FBXL13: variants seen among roughly 807,000 people sequenced by gnomAD.
FBXL13 encodes F-box and leucine rich repeat protein 13.
In FBXL13, 67 loss-of-function variants were observed where a neutral mutation model predicts 83.6. That is an observed-to-expected ratio of 0.80 (90% CI 0.66 to 0.98). FBXL13 has a LOEUF of 0.98. Among genes scored for constraint, FBXL13 ranks in the 50% least tolerant of loss-of-function variants. The pLI is 0.00. For missense variants in FBXL13, 822 were observed against 866.5 expected (o/e 0.95, Z 0.64); for synonymous variants, 272 against 299.5 (o/e 0.91, Z 0.95).
intron 16 of FBXL13, among the ~76,000 whole-genome samples, chr7:102,868,681 T>C (rs928635794): frequency 6.6e-6 from 1 of 152,208 alleles, no homozygotes; most frequent in Non-Finnish European, 1.5e-5. Context: ...TGTTTTGTTT[T>C]GTTTTTGAGA....
chr7:102,848,987 C>T (rs367852473), intron 17 of FBXL13, among the ~76,000 whole-genome samples: 8 of 151,808 alleles, frequency 5.3e-5, no homozygotes, highest in African/African-American at 1.7e-4. Flanking sequence ...GCAACAAGAG[C>T]GAAACTCCAT....
chr7:103,021,886 T>C (rs1195964106), intron 6 of FBXL13, among the ~76,000 whole-genome samples: 9 of 152,234 alleles, frequency 5.9e-5, no homozygotes. Flanking sequence ...TTGGTGGGAC[T>C]GTAAACTAGT....
chr7:103,019,977 G>A (rs982675490), intron 6 of FBXL13, among the ~76,000 whole-genome samples: 1 of 152,178 alleles, frequency 6.6e-6, no homozygotes, highest in African/African-American at 2.4e-5. Flanking sequence ...CATTTTATGA[G>A]GCCAGCATCA....
At chr7:102,934,589 G>A (rs746338531) in intron 8 of FBXL13, 1 of 1,614,086 alleles carries the variant, frequency 6.2e-7, no homozygotes, top group Non-Finnish European at 8.5e-7. Context: ...GAAACCCCAA[G>A]TGTCAGGGAG....
rs79418174 is a variant in FBXL13, at chr7:102,895,766, C to T, written c.1009-11454G>A. Among the ~76,000 whole-genome samples the T allele has an allele frequency of 3.7e-3, 567 of 152,282 alleles. 5 individuals carry two copies. Among genetic ancestry groups the T allele is most frequent in the African/African-American group, 0.013 (560 of 41,550 alleles). ...GGAATCATCACCCTCCCAATTGGCA[C>T]TTTCTCATGTACAAGTAGGATAGCT... On this transcript the variant is annotated intron_variant, in intron 11 of 19. Coordinates refer to ENST00000313221, the Ensembl canonical transcript of FBXL13.
chr7:102,865,818 A>G (rs1166068305), intron 16 of FBXL13, among the ~76,000 whole-genome samples: 2 of 152,008 alleles, frequency 1.3e-5, no homozygotes, highest in Admixed American at 6.6e-5. Context: ...TGCTGGGATT[A>G]CAGGGGTGTG....
chr7:103,055,756 A>G lies in FBXL13; in HGVS notation c.-104-9T>C. The G allele has an allele frequency of 8.4e-7, 1 of 1,185,334 alleles. No homozygotes were observed. 73.4% of individuals were successfully genotyped at this position (1,185,334 alleles called of 1,614,324 possible). ...ATACCACATAACAGTGCCTAGGGGA[A>G]AAAAGGGAAATGGCATCAATGTTTC... On this transcript the variant is annotated splice_polypyrimidine_tract_variant and intron_variant, in intron 1 of 19. Coordinates refer to ENST00000313221, the Ensembl canonical transcript of FBXL13.
intron 8 of FBXL13, among the ~76,000 whole-genome samples, chr7:102,932,487 A>C (rs1819372036): frequency 1.3e-4 from 1 of 7,588 alleles, no homozygotes; most frequent in Non-Finnish European, 3.9e-4. Flanking sequence ...ACACCAGTAC[A>C]CTTCCCCCCA....
At chr7:102,887,670 T>C (rs958663040) in intron 11 of FBXL13, among the ~76,000 whole-genome samples, 12 of 152,234 alleles carry the variant, frequency 7.9e-5, no homozygotes, top group African/African-American at 2.7e-4. Context: ...CATCTTCAAC[T>C]GAATGAAGTT....
rs150779937 is a variant in FBXL13 at position 102,860,679 on chromosome 7, C to CTGTGTGTG, written c.1636-5827_1636-5820dup. On this transcript the variant is annotated intron_variant, in intron 16 of 19. Coordinates refer to ENST00000313221, the Ensembl canonical transcript of FBXL13. ...ACTAGTTACCAAATGTTGGAATGCT[C>CTGTGTGTG]TGTGTGTGTGTGTGTGTGGTGTGTA... Among the ~76,000 whole-genome samples the CTGTGTGTG allele has an allele frequency of 2.5e-3, 373 of 150,650 alleles. 4 individuals carry two copies. Among genetic ancestry groups the CTGTGTGTG allele is most frequent in the African/African-American group, 8.8e-3 (361 of 41,162 alleles).
At chr7:103,040,436 G>A (rs1795544457) in intron 2 of FBXL13, among the ~76,000 whole-genome samples, 2 of 152,228 alleles carry the variant, frequency 1.3e-5, no homozygotes, top group South Asian at 4.1e-4. Context: ...GGTTAACAAG[G>A]ATATCCAGGA....
intron 11 of FBXL13, among the ~76,000 whole-genome samples, chr7:102,895,080 C>T (rs1204533171): frequency 6.6e-6 from 1 of 152,110 alleles, no homozygotes; most frequent in Non-Finnish European, 1.5e-5. Context: ...AAGAGCTTAC[C>T]TTGGGAAGGA....
intron 6 of FBXL13, among the ~76,000 whole-genome samples, chr7:102,994,784 G>A (rs200442060): frequency 2.0e-5 from 3 of 152,274 alleles, no homozygotes; most frequent in East Asian, 3.9e-4. Context: ...TGATTGGTCA[G>A]TGCAGGCTAC....
chr7:103,024,135 A>G (rs902900799), intron 6 of FBXL13, among the ~76,000 whole-genome samples: 60 of 96,586 alleles, frequency 6.2e-4, no homozygotes, highest in Admixed American at 2.7e-3. Flanking sequence ...AAAAGTTAAA[A>G]AGAGAGAGAG....
At chr7:102,842,422 C>T (rs1446922755) in intron 17 of FBXL13, among the ~76,000 whole-genome samples, 2 of 152,198 alleles carry the variant, frequency 1.3e-5, no homozygotes, top group Admixed American at 1.3e-4. Context: ...CATTACAAGT[C>T]AGTATGTGTC....
intron 5 of FBXL13, among the ~76,000 whole-genome samples, chr7:103,026,101 T>G (rs188790115): frequency 1.3e-5 from 2 of 152,094 alleles, no homozygotes; most frequent in African/African-American, 4.8e-5. Context: ...ATATGGACAA[T>G]ACTAAGAGAA....
intron 10 of FBXL13, among the ~76,000 whole-genome samples, chr7:102,919,101 T>TC (rs1251207959): frequency 6.6e-6 from 1 of 152,152 alleles, no homozygotes; most frequent in Non-Finnish European, 1.5e-5. Context: ...TAGCATCTCT[T>TC]CCCAACTCCA....
chr7:102,981,214 A>AG (rs1828173339), intron 6 of FBXL13, among the ~76,000 whole-genome samples: 1 of 152,212 alleles, frequency 6.6e-6, no homozygotes, highest in Non-Finnish European at 1.5e-5. Context: ...GTAGAAATAT[A>AG]GAATCAATTT....
At chr7:102,814,635 T>C (rs549273923) in intron 19 of FBXL13, among the ~76,000 whole-genome samples, 1 of 152,370 alleles carries the variant, frequency 6.6e-6, no homozygotes, top group East Asian at 1.9e-4. Flanking sequence ...ACAAAACTTC[T>C]ACAAACTTAA....
Sources: gnomAD v4.1 joint callset for allele counts (sites outside exome capture counted in the v4.1 genomes callset) on GRCh38, gnomAD v4.1.1 for gene constraint, MANE v1.5 for transcripts, NCBI Gene and HGNC (gene_info 2026-07-23, HGNC 2026-07-21) for gene names.